Variants in ANKRD33B observed in about 807,000 individuals in gnomAD.
ANKRD33B encodes ankyrin repeat domain-containing protein 33B.
Under a neutral mutation model 21.5 loss-of-function variants are expected in ANKRD33B, and 6 were observed. The observed-to-expected ratio is 0.28, with a 90% confidence interval of 0.15 to 0.55. The LOEUF (loss-of-function observed/expected upper bound fraction) is 0.55, where lower values mean the gene tolerates loss of function less well. Among genes scored for constraint, ANKRD33B ranks in the 20% least tolerant of loss-of-function variants. ANKRD33B has a pLI of 0.94. For synonymous variants in ANKRD33B, 347 were observed against 342.4 expected, an observed-to-expected ratio of 1.01 and a Z score of -0.15; for missense variants, 698 against 747.2, an observed-to-expected ratio of 0.93 and a Z score of 0.77.
intron 1 of ANKRD33B, among the ~76,000 whole-genome samples, chr5:10,586,141 C>G (rs1735554058): frequency 6.6e-6 from 1 of 152,032 alleles, no homozygotes; most frequent in South Asian, 2.1e-4. Flanking sequence ...CCGAGAAATA[C>G]AGTCATCCTT....
At chr5:10,573,374 A>G (rs950781775) in intron 1 of ANKRD33B, among the ~76,000 whole-genome samples, 1 of 151,320 alleles carries the variant, frequency 6.6e-6, no homozygotes, top group African/African-American at 2.4e-5. Flanking sequence ...AAGCTGAGGC[A>G]GGAGAATCAC....
chr5:10,606,958 T>G (rs1006570480), intron 1 of ANKRD33B, among the ~76,000 whole-genome samples: 15 of 152,144 alleles, frequency 9.9e-5, no homozygotes, highest in African/African-American at 3.6e-4. Flanking sequence ...CTTGAACTCC[T>G]GACCTCAAGT....
At chr5:10,613,862 T>A (rs926302606) in intron 1 of ANKRD33B, among the ~76,000 whole-genome samples, 2 of 150,386 alleles carry the variant, frequency 1.3e-5, no homozygotes, top group East Asian at 3.9e-4. Context: ...ATCGTGTCAG[T>A]GCCCTCCAGC....
chr5:10,592,305 A>G (rs1735711770), intron 1 of ANKRD33B, among the ~76,000 whole-genome samples: 2 of 152,046 alleles, frequency 1.3e-5, no homozygotes, highest in South Asian at 2.1e-4. Context: ...AACAGAGCAT[A>G]TATGTGATAG....
At chr5:10,628,521 A>G (rs1490210778) in intron 2 of ANKRD33B, among the ~76,000 whole-genome samples, 2 of 151,106 alleles carry the variant, frequency 1.3e-5, no homozygotes, top group East Asian at 2.0e-4. Context: ...GGATCTTGCC[A>G]TGTTGCCCAG....
chr5:10,571,895 T>TTC (rs1189431352), intron 1 of ANKRD33B, among the ~76,000 whole-genome samples: 1 of 150,572 alleles, frequency 6.6e-6, no homozygotes. Context: ...CTTTTTTCTT[T>TTC]TTTTTTTTTT....
intron 1 of ANKRD33B, among the ~76,000 whole-genome samples, chr5:10,589,276 C>G (rs1735633872): frequency 6.6e-6 from 1 of 151,634 alleles, no homozygotes; most frequent in South Asian, 2.1e-4. Flanking sequence ...GGCTCCTCCC[C>G]TCTTCTCTTT....
intron 1 of ANKRD33B, among the ~76,000 whole-genome samples, chr5:10,581,683 T>C (rs995134839): frequency 1.3e-5 from 2 of 152,220 alleles, no homozygotes; most frequent in Non-Finnish European, 2.9e-5. Context: ...GTGGTTAACA[T>C]CTACAATTAG....
chr5:10,598,678 C>CA (rs1273744615), intron 1 of ANKRD33B, among the ~76,000 whole-genome samples: 28 of 152,050 alleles, frequency 1.8e-4, no homozygotes, highest in Admixed American at 1.6e-3. Context: ...TGGGCTCTAG[C>CA]AATCCTCCCA....
At chr5:10,603,387 T>A (rs898660145) in intron 1 of ANKRD33B, among the ~76,000 whole-genome samples, 2 of 151,750 alleles carry the variant, frequency 1.3e-5, no homozygotes, top group Non-Finnish European at 2.9e-5. Flanking sequence ...CTCAGCCTCC[T>A]GAGTAGCTCA....
At position 10,651,568 on chromosome 5, in the gene ANKRD33B, T is replaced by C. The variant is rs903334912; in HGVS notation, c.*1455T>C. 2.6e-5 allele frequency: 4 copies of C among 152,362 alleles called. No homozygotes were observed. Among genetic ancestry groups the C allele is most frequent in the Non-Finnish European group, 5.9e-5 (4 of 68,026 alleles). 9.4% of individuals were successfully genotyped at this position (152,362 alleles called of 1,614,324 possible). A position where few individuals can be genotyped will look rare whatever the true frequency, so the allele number is the denominator to read the frequency against. On this transcript the variant is annotated 3_prime_UTR_variant, in exon 4 of 4. Coordinates refer to ENST00000296657, the MANE Select transcript of ANKRD33B (RefSeq NM_001164440.2). ...CTGGAGTTTCTAGTTCTAATGGCTC[T>C]CTGGCCATGTGGGTTGTAGAGTGTC...
At chr5:10,635,226 A>T (rs1175108493) in intron 2 of ANKRD33B, among the ~76,000 whole-genome samples, 2 of 152,240 alleles carry the variant, frequency 1.3e-5, no homozygotes, top group African/African-American at 4.8e-5. Flanking sequence ...CACAGTTTAA[A>T]GAAATGGCTC....
intron 2 of ANKRD33B, among the ~76,000 whole-genome samples, chr5:10,633,491 C>T (rs919134217): frequency 6.6e-6 from 1 of 152,244 alleles, no homozygotes; most frequent in African/African-American, 2.4e-5. Flanking sequence ...GCCTGTGTGC[C>T]TCACACTGGT....
Position 10,576,255 on chromosome 5 carries a change from C to T in ANKRD33B, c.366+11422C>T, listed in dbSNP as rs1471623225. 6.6e-6 allele frequency among the ~76,000 whole-genome samples: 1 copy of T among 152,126 alleles called. No individual in the cohort carries two copies. Among genetic ancestry groups the T allele is most frequent in the African/African-American group, 2.4e-5 (1 of 41,422 alleles). On this transcript the variant is annotated intron_variant, in intron 1 of 3. Coordinates refer to ENST00000296657, the MANE Select transcript of ANKRD33B (RefSeq NM_001164440.2). The surrounding 1 kb of genome is among the most constrained non-coding windows in gnomAD (Gnocchi z 4.1). ...TTTTGGACATGAAAGCAGGGTCAGACCTAGTTATTAATAGGTGGGAAGAGG... is the reference window on the plus strand; with the variant it reads ...TTTTGGACATGAAAGCAGGGTCAGATCTAGTTATTAATAGGTGGGAAGAGG...
intron 1 of ANKRD33B, among the ~76,000 whole-genome samples, chr5:10,593,383 C>G (rs532445647): frequency 2.4e-4 from 36 of 152,192 alleles, no homozygotes; most frequent in Middle Eastern, 6.8e-3. Flanking sequence ...ATGTACGACC[C>G]CATCTGCAAT....
chr5:10,602,150 A>C (rs1735948150), intron 1 of ANKRD33B, among the ~76,000 whole-genome samples: 1 of 152,250 alleles, frequency 6.6e-6, no homozygotes, highest in Non-Finnish European at 1.5e-5. Flanking sequence ...GTGACTGAGC[A>C]ACCTCGGTGC....
intron 2 of ANKRD33B, among the ~76,000 whole-genome samples, chr5:10,622,213 C>G (rs895204840): frequency 6.6e-6 from 1 of 152,232 alleles, no homozygotes; most frequent in Admixed American, 6.5e-5. Context: ...AGCCTAGGAA[C>G]TGAATACTGC....
chr5:10,586,817 T>A (rs1281888590), intron 1 of ANKRD33B, among the ~76,000 whole-genome samples: 2 of 152,172 alleles, frequency 1.3e-5, no homozygotes, highest in African/African-American at 4.8e-5. Context: ...GGGCCTTTTC[T>A]GAAACATTTA....
intron 2 of ANKRD33B, chr5:10,624,704 A>G (rs1419414142): frequency 1.3e-5 from 6 of 452,878 alleles, no homozygotes; most frequent in South Asian, 9.4e-5. Flanking sequence ...GATTTTCCCT[A>G]ATTTCTTTCT....
Sources: gnomAD v4.1 joint callset for allele counts (sites outside exome capture counted in the v4.1 genomes callset) on GRCh38, gnomAD v4.1.1 for gene constraint, Gnocchi (gnomAD v3.1) non-coding constraint, MANE v1.5 for transcripts, NCBI Gene and HGNC (gene_info 2026-07-23, HGNC 2026-07-21) for gene names.